Variants in TRANK1 observed in about 807,000 individuals in gnomAD.
TRANK1 encodes TPR and ankyrin repeat-containing protein 1.
TRANK1 carries 198 observed loss-of-function variants against 266.0 expected under a neutral mutation model. The ratio of observed to expected loss-of-function variants is 0.74; its 90% CI spans 0.66 to 0.84. The LOEUF (loss-of-function observed/expected upper bound fraction) is 0.84. TRANK1 is among the 40% of genes least tolerant of loss of function. TRANK1 has a pLI of 0.00. For missense variants in TRANK1, 3,326 were observed against 3,634.6 expected, an observed-to-expected ratio of 0.92 and a Z score of 2.18; for synonymous variants, 1,396 against 1,384.1, an observed-to-expected ratio of 1.01 and a Z score of -0.19.
chr3:36,859,962 C>T (rs1028397762), intron 11 of TRANK1, among the ~76,000 whole-genome samples: 4 of 152,062 alleles, frequency 2.6e-5, no homozygotes, highest in Non-Finnish European at 5.9e-5. Flanking sequence ...GATCAATGTG[C>T]TATTGATAAC....
intron 18 of TRANK1, among the ~76,000 whole-genome samples, chr3:36,842,185 C>G (rs1282592590): frequency 6.6e-6 from 1 of 152,184 alleles, no homozygotes; most frequent in Non-Finnish European, 1.5e-5. Flanking sequence ...AAAGCCTTAA[C>G]CTATCTTCAC....
intron 13 of TRANK1, among the ~76,000 whole-genome samples, chr3:36,854,387 A>T (rs2079023784): frequency 6.6e-6 from 1 of 152,066 alleles, no homozygotes; most frequent in African/African-American, 2.4e-5. Flanking sequence ...AGAAAGAAAG[A>T]AATCTCAACA....
At chr3:36,854,020 T>C (rs1043471256) in intron 13 of TRANK1, among the ~76,000 whole-genome samples, 6 of 152,190 alleles carry the variant, frequency 3.9e-5, no homozygotes, top group Non-Finnish European at 8.8e-5. Context: ...TTATGCTATG[T>C]GAACCTCAAT....
chr3:36,895,748 A>G lies in TRANK1; in HGVS notation c.444T>C (p.Ile148=). 6.5e-7 allele frequency: 1 copy of G among 1,531,110 alleles called. No individual in the cohort carries two copies. Among genetic ancestry groups the G allele is most frequent in the Non-Finnish European group, 8.7e-7 (1 of 1,144,536 alleles). The allele number at this position is 1,531,110 out of a possible 1,614,324, so 94.8% of individuals were successfully genotyped here. A position where few individuals can be genotyped will look rare whatever the true frequency, so the allele number is the denominator to read the frequency against. ...GVFTTMSSDS[I]VLQSFLPCFD... The stretch of plus-strand genomic sequence containing the variant: ...AGCAAGGCAAGAAACTTTGCAAAAC[A>G]ATGGAGTCACCTAAAAGAAAGTTTC... The change falls in exon 5 of 24, where the codon ATT becomes ATC. Residue 148 remains isoleucine, a synonymous_variant. Coordinates refer to ENST00000645898, the MANE Select transcript of TRANK1 (RefSeq NM_001329998.2).
Position 36,829,662 on chromosome 3 carries a change from G to A in TRANK1, c.8711C>T (p.Ala2904Val), listed in dbSNP as rs567986545. The change falls in exon 23 of 24, where the codon GCG becomes GTG. Residue 2904 changes from alanine (A) to valine (V), a missense_variant and splice_region_variant. Coordinates refer to ENST00000645898, the MANE Select transcript of TRANK1 (RefSeq NM_001329998.2). The stretch of plus-strand genomic sequence containing the variant: ...GACCAGCCGAGTCATCGCCTCCTCC[G>A]CTTCAGAAACCAAAGAACATGGCTC... ...DLYRRKAWAG[A>V]EEAMTRLVNI... 34 of 1,613,392 alleles carry A rather than the reference G, an allele frequency of 2.1e-5. No homozygotes were observed. Among genetic ancestry groups the A allele is most frequent in the East Asian group, 1.8e-4 (8 of 44,888 alleles).
In TRANK1 at chr3:36,889,892, C is replaced by T; in HGVS notation, c.844G>A (p.Asp282Asn). The T allele has an allele frequency of 6.5e-7, 1 of 1,537,248 alleles. No individual in the cohort carries two copies. The highest frequency in any genetic ancestry group is 8.7e-7 in the Non-Finnish European group (1 of 1,146,914). Residue 282 changes from aspartate (D) to asparagine (N), a missense_variant, in exon 8 of 24, where the codon GAT (aspartate) becomes AAT (asparagine). Coordinates refer to ENST00000645898, the MANE Select transcript of TRANK1 (RefSeq NM_001329998.2). ...TGCAGGACAGTGCAGCCATCCCCATCCTTCTGGTTAATGCGGCCTTTCCAC... is the reference window on the plus strand; with the variant it reads ...TGCAGGACAGTGCAGCCATCCCCATTCTTCTGGTTAATGCGGCCTTTCCAC... ...PEWKGRINQK[D>N]GDGCTVLHVV...
rs757045892 is a variant in TRANK1, at chr3:36,832,408, G to A, written c.7175C>T (p.Pro2392Leu). ...GIEGKFGMLA[P>L]NRDDENMDKT... is the part of the protein sequence containing the mutation. ...GTCCATATTTTCATCATCCCTGTTGGGTGCCAGCATGCCAAATTTCCCTTC... is the reference window on the plus strand; with the variant it reads ...GTCCATATTTTCATCATCCCTGTTGAGTGCCAGCATGCCAAATTTCCCTTC... The change falls in exon 22 of 24, where the codon CCC (proline) becomes CTC (leucine). Residue 2392 changes from proline to leucine, a missense_variant. Physicochemically the swap from Pro to Leu is moderately conservative, Grantham distance 98 (BLOSUM62 -3). Coordinates refer to ENST00000645898, the MANE Select transcript of TRANK1 (RefSeq NM_001329998.2). 1 of 1,613,888 alleles carries A rather than the reference G, an allele frequency of 6.2e-7. No individual in the cohort carries two copies. The highest frequency in any genetic ancestry group is 1.7e-5 in the Admixed American group (1 of 60,010).
chr3:36,879,794 A>ATAAATATATG (rs1575249280), intron 8 of TRANK1, among the ~76,000 whole-genome samples: 7 of 47,082 alleles, frequency 1.5e-4, no homozygotes, highest in Admixed American at 2.9e-4. Context: ...ATGTAAATAT[A>ATAAATATATG]TAAATATACA....
At chr3:36,894,289 T>C (rs780332693) in intron 5 of TRANK1, among the ~76,000 whole-genome samples, 3 of 152,220 alleles carry the variant, frequency 2.0e-5, no homozygotes, top group Non-Finnish European at 4.4e-5. Flanking sequence ...CAAGGTTCTT[T>C]CCCTGAGTGC....
rs1268917001 is a variant in TRANK1 at position 36,829,609 on chromosome 3, C to T, written c.8764G>A (p.Ala2922Thr). The change falls in exon 23 of 24, where the codon GCA becomes ACA. Residue 2922 changes from alanine to threonine, a missense_variant. Transcript: ENST00000645898. ...VNILILSVRD[A>T]RDWLMKTETR... ...TCTGTTTTCATCAACCAGTCTCGTG[C>T]ATCCCTGACTGACAGGATCAGAATG... is the stretch of plus-strand genomic sequence containing the variant. The T allele has an allele frequency of 1.9e-6, 3 of 1,613,916 alleles. No individual in the cohort carries two copies. Among genetic ancestry groups the T allele is most frequent in the Non-Finnish European group, 1.7e-6 (2 of 1,179,898 alleles).
intron 9 of TRANK1, among the ~76,000 whole-genome samples, chr3:36,871,680 G>GA (rs1235588117): frequency 7.3e-5 from 11 of 151,670 alleles, no homozygotes; most frequent in East Asian, 1.9e-4. Flanking sequence ...CCATGAAAAG[G>GA]AAAAAAATAA....
chr3:36,879,725 A>AAT (rs369402678), intron 8 of TRANK1, among the ~76,000 whole-genome samples: 3 of 96,918 alleles, frequency 3.1e-5, no homozygotes, highest in South Asian at 2.9e-4. Context: ...TAAATATATA[A>AAT]ATATATATAA....
At chr3:36,872,031 G>C (rs1333068353) in intron 9 of TRANK1, among the ~76,000 whole-genome samples, 1 of 152,178 alleles carries the variant, frequency 6.6e-6, no homozygotes, top group Admixed American at 6.5e-5. Flanking sequence ...AATCAATCTA[G>C]TCCTTCAGTC....
Position 36,855,302 on chromosome 3 carries a change from C to A in TRANK1, c.4420G>T (p.Val1474Leu). The change falls in exon 13 of 24, where the codon GTG becomes TTG. Residue 1474 changes from valine (V) to leucine (L), a missense_variant. By Grantham distance (32) the Val-to-Leu change is conservative. Coordinates refer to ENST00000645898, the MANE Select transcript of TRANK1 (RefSeq NM_001329998.2). Reference protein sequence around the residue: ...GDTAQSIMKGVAFRFSDLRSL... With the variant: ...GDTAQSIMKGLAFRFSDLRSL... The stretch of plus-strand genomic sequence containing the variant: ...CGCAGATCGCTGAAGCGGAAGGCCA[C>A]GCCCTTCATGATGCTCTGGGCCGTG... The A allele has an allele frequency of 1.2e-6, 2 of 1,614,044 alleles. No individual in the cohort carries two copies. The highest frequency in any genetic ancestry group is 1.7e-5 in the Admixed American group (1 of 60,034).
intron 8 of TRANK1, among the ~76,000 whole-genome samples, chr3:36,886,857 A>T (rs1477600388): frequency 6.6e-6 from 1 of 151,772 alleles, no homozygotes; most frequent in Admixed American, 6.6e-5. Flanking sequence ...GTCTTTAATT[A>T]ATGTTGATTT....
intron 8 of TRANK1, among the ~76,000 whole-genome samples, chr3:36,886,639 A>G (rs2079609970): frequency 6.6e-6 from 1 of 152,064 alleles, no homozygotes. Context: ...ATGGCCTGGC[A>G]CGGTGGCTCA....
intron 5 of TRANK1, among the ~76,000 whole-genome samples, chr3:36,895,185 A>G (rs1174541382): frequency 6.6e-6 from 1 of 152,190 alleles, no homozygotes; most frequent in Admixed American, 6.5e-5. Flanking sequence ...TCACTCCTCC[A>G]TTCCATGGAT....
intron 11 of TRANK1, 67 bp downstream of exon 11, chr3:36,860,839 T>C: frequency 1.3e-6 from 2 of 1,511,518 alleles, no homozygotes; most frequent in East Asian, 2.5e-5. Context: ...AGGCAGGCAG[T>C]GGCCTGGACT....
At chr3:36,865,030 T>G (rs894160981) in intron 9 of TRANK1, among the ~76,000 whole-genome samples, 76 of 144,640 alleles carry the variant, frequency 5.3e-4, no homozygotes, top group African/African-American at 1.9e-3. Context: ...TTTGGTTTTT[T>G]TTTTTTTTTT....
Sources: allele counts gnomAD v4.1 joint callset (sites outside exome capture counted in the v4.1 genomes callset), GRCh38; gene constraint gnomAD v4.1.1; transcripts MANE v1.5; gene names NCBI Gene and HGNC (gene_info 2026-07-23, HGNC 2026-07-21).